The following CSMD1 variants were observed in gnomAD, a reference collection of about 807,000 sequenced individuals.
CSMD1 encodes CUB and sushi domain-containing protein 1.
In CSMD1, 213 loss-of-function variants were observed where a neutral mutation model predicts 417.5. The observed-to-expected ratio is 0.51, with a 90% CI of 0.46 to 0.57. The LOEUF (loss-of-function observed/expected upper bound fraction) is 0.57, where lower values mean the gene tolerates loss of function less well. CSMD1 is among the 20% of genes least tolerant of loss of function. CSMD1 has a pLI of 0.00. For synonymous variants in CSMD1, 2,862 were observed against 1,736.8 expected (o/e 1.65, Z -16.11); for missense variants, 6,923 against 4,529.7 (o/e 1.53, Z -15.17).
At chr8:3,819,232 G>C (rs914986591) in intron 5 of CSMD1, among the ~76,000 whole-genome samples, 2 of 152,094 alleles carry the variant, frequency 1.3e-5, no homozygotes, top group Non-Finnish European at 2.9e-5. Context: ...TCTTTGGGCT[G>C]TGTAGTCAAA....
chr8:4,735,830 G>T (rs1372235459), intron 1 of CSMD1, among the ~76,000 whole-genome samples: 1 of 152,136 alleles, frequency 6.6e-6, no homozygotes, highest in East Asian at 1.9e-4. Context: ...GGTGGTTCTG[G>T]AATCTGAACT....
At chr8:2,940,302 A>G (rs1294902371) in intron 69 of CSMD1, among the ~76,000 whole-genome samples, 1 of 152,168 alleles carries the variant, frequency 6.6e-6, no homozygotes, top group Non-Finnish European at 1.5e-5. Context: ...GTAGAGAACT[A>G]AAAGACCCAA....
At chr8:3,814,008 T>C (rs1033783617) in intron 5 of CSMD1, among the ~76,000 whole-genome samples, 1 of 152,172 alleles carries the variant, frequency 6.6e-6, no homozygotes, top group Admixed American at 6.5e-5. Flanking sequence ...GTTCAACAGA[T>C]TAATGCAACA....
At chr8:4,627,970 G>C (rs544315858) in intron 2 of CSMD1, among the ~76,000 whole-genome samples, 3 of 149,210 alleles carry the variant, frequency 2.0e-5, no homozygotes, top group African/African-American at 4.9e-5. Flanking sequence ...GATTCTAAGA[G>C]CAACTATCTC....
At chr8:4,814,217 T>TGTGTGC (rs554603001) in intron 1 of CSMD1, among the ~76,000 whole-genome samples, 4 of 151,090 alleles carry the variant, frequency 2.6e-5, no homozygotes, top group African/African-American at 9.8e-5. Flanking sequence ...TGTGTGTGTG[T>TGTGTGC]GCGTGTGCGT....
intron 28 of CSMD1, 150 bp downstream of exon 28, chr8:3,223,579 C>A (rs1254478433): frequency 1.5e-6 from 1 of 689,376 alleles, no homozygotes; most frequent in South Asian, 2.7e-5. Flanking sequence ...CCATTTATGT[C>A]ATTTTGCAGC....
rs183239986 is a variant in CSMD1 at position 3,274,319 on chromosome 8, A to G, written c.4153+9825T>C. ...AGTTTGTTACAATTTCTGTTCTTTT[A>G]TATTTGCTGAGGAGTGCTTTACTTC... On this transcript the variant is annotated intron_variant, in intron 26 of 69. Transcript: ENST00000635120. 2.4e-4 allele frequency among the ~76,000 whole-genome samples: 37 copies of G among 152,154 alleles called. No homozygotes were observed. In the East Asian group the frequency reaches 4.8e-3, roughly 20 times the overall value.
chr8:3,866,713 T>C (rs945579352), intron 5 of CSMD1, among the ~76,000 whole-genome samples: 7 of 152,224 alleles, frequency 4.6e-5, no homozygotes, highest in Non-Finnish European at 7.3e-5. Context: ...CATAAGGTAG[T>C]CCTTGGCCAC....
intron 12 of CSMD1, among the ~76,000 whole-genome samples, chr8:3,456,187 C>A (rs1359975663): frequency 6.6e-6 from 1 of 152,154 alleles, no homozygotes; most frequent in African/African-American, 2.4e-5. Context: ...GGGAGTGACC[C>A]AATTTTCCAG....
chr8:4,198,130 G>C (rs1030689491), intron 3 of CSMD1, among the ~76,000 whole-genome samples: 1 of 152,238 alleles, frequency 6.6e-6, no homozygotes, highest in African/African-American at 2.4e-5. Context: ...AAGGTTCTTT[G>C]AGTTGAGTCT....
intron 2 of CSMD1, among the ~76,000 whole-genome samples, chr8:4,536,846 C>A (rs1350223398): frequency 6.6e-6 from 1 of 152,100 alleles, no homozygotes. Context: ...GGGGTGTCAC[C>A]TTTTGCATTT....
chr8:3,307,489 G>T (rs79221543), intron 25 of CSMD1, among the ~76,000 whole-genome samples: 2,292 of 152,228 alleles, frequency 0.015, 59 homozygotes, highest in African/African-American at 0.052. Flanking sequence ...TCTCATTTTG[G>T]CTTTACTATA....
chr8:4,023,005 C>T (rs1796866686), intron 4 of CSMD1, among the ~76,000 whole-genome samples: 1 of 152,154 alleles, frequency 6.6e-6, no homozygotes. Context: ...CAGTCTTTTA[C>T]CAAATCCGTG....
chr8:4,173,150 G>T (rs1025204248), intron 3 of CSMD1, among the ~76,000 whole-genome samples: 1 of 152,196 alleles, frequency 6.6e-6, no homozygotes, highest in African/African-American at 2.4e-5. Context: ...AGGGTTGCTA[G>T]ATTGATTATA....
chr8:3,709,877 A>C (rs748178385), intron 6 of CSMD1, among the ~76,000 whole-genome samples: 2 of 150,448 alleles, frequency 1.3e-5, no homozygotes, highest in Non-Finnish European at 3.0e-5. Context: ...GTACACATGC[A>C]CATAAGGAGA....
intron 4 of CSMD1, among the ~76,000 whole-genome samples, chr8:4,010,467 G>C (rs1474782445): frequency 6.6e-6 from 1 of 152,030 alleles, no homozygotes. Context: ...TAACCTCTTT[G>C]ATTAATTCTC....
At chr8:3,725,381 G>C (rs9644279) in intron 6 of CSMD1, among the ~76,000 whole-genome samples, 19,594 of 152,094 alleles carry the variant, frequency 0.13, 1,333 homozygotes, top group East Asian at 0.17. Context: ...TGGATGACCA[G>C]GATAGACATC....
chr8:4,928,408 G>C (rs1163429285), intron 1 of CSMD1, among the ~76,000 whole-genome samples: 1 of 152,140 alleles, frequency 6.6e-6, no homozygotes, highest in Non-Finnish European at 1.5e-5. Context: ...GGCTTTCCCT[G>C]ATTGTCTCTG....
intron 65 of CSMD1, among the ~76,000 whole-genome samples, chr8:2,952,611 C>T (rs1802711297): frequency 6.6e-6 from 1 of 152,144 alleles, no homozygotes; most frequent in Non-Finnish European, 1.5e-5. Flanking sequence ...ACAACAGAGG[C>T]CCCCATTTTA....
Sources: gnomAD v4.1 joint callset for allele counts (sites outside exome capture counted in the v4.1 genomes callset) on GRCh38, gnomAD v4.1.1 for gene constraint, MANE v1.5 for transcripts, NCBI Gene and HGNC (gene_info 2026-07-23, HGNC 2026-07-21) for gene names.